EPHA3: variants seen among roughly 807,000 people sequenced by gnomAD.
EPHA3 encodes EPH receptor A3, also known as ephrin type-A receptor 3.
Under a neutral mutation model 107.1 loss-of-function variants are expected in EPHA3, and 42 were observed. That is an observed-to-expected ratio of 0.39 (90% CI 0.31 to 0.51). The LOEUF (loss-of-function observed/expected upper bound fraction) is 0.51. Among genes scored for constraint, EPHA3 ranks in the 20% least tolerant of loss-of-function variants. The probability of loss-of-function intolerance (pLI) is 0.78; values close to 1 mark genes in which losing one functional copy is unlikely to be tolerated. For missense variants in EPHA3, 1,183 were observed against 1,211.2 expected (o/e 0.98, Z 0.35); for synonymous variants, 461 against 424.8 (o/e 1.09, Z -1.05).
At chr3:89,126,884 T>C (rs2106973492) in intron 1 of EPHA3, among the ~76,000 whole-genome samples, 1 of 151,944 alleles carries the variant, frequency 6.6e-6, no homozygotes, top group South Asian at 2.1e-4. Flanking sequence ...TATGCTAGCA[T>C]TAATGTTGTT....
chr3:89,436,822 G>A (rs549537803), intron 13 of EPHA3, among the ~76,000 whole-genome samples: 15 of 152,120 alleles, frequency 9.9e-5, no homozygotes, highest in East Asian at 7.8e-4. Context: ...ACAGCATGCC[G>A]GATATGAAAG....
At position 89,481,517 on chromosome 3, in the gene EPHA3, T is replaced by C. The variant is rs1377848011; in HGVS notation, c.*2015T>C. On this transcript the variant is annotated 3_prime_UTR_variant, in exon 17 of 17. Transcript: ENST00000336596. ...TCTAATTTTTTCCCAGACTACTATT[T>C]TCTTTTTTAGGTACTATTCTGAGCA... The C allele has an allele frequency of 4.3e-6, 1 of 232,312 alleles. No individual in the cohort carries two copies. The allele number at this position is 232,312 out of a possible 1,614,324, so 14.4% of individuals were successfully genotyped here.
chr3:89,107,850 C>G lies in EPHA3; in HGVS notation c.88+14C>G, dbSNP rs1043204519. The G allele has an allele frequency of 2.5e-6, 4 of 1,612,640 alleles. No individual in the cohort carries two copies. The highest frequency in any genetic ancestry group is 1.7e-6 in the Non-Finnish European group (2 of 1,178,808). Reference sequence around the variant, plus strand: ...CTTCCAATGAAGGTAAGCCAGGTACCGCGACGCACGGAGCTCTGCCCCGCG... The same window carrying G: ...CTTCCAATGAAGGTAAGCCAGGTACGGCGACGCACGGAGCTCTGCCCCGCG... On this transcript the variant is annotated intron_variant, in intron 1 of 16. Transcript: ENST00000336596.
intron 2 of EPHA3, among the ~76,000 whole-genome samples, chr3:89,181,873 T>C (rs1349061004): frequency 6.6e-6 from 1 of 151,956 alleles, no homozygotes. Flanking sequence ...TTTCAATTAT[T>C]TGAATCATTA....
At chr3:89,400,636 CGTGTGTGT>C (rs57254382) in intron 7 of EPHA3, among the ~76,000 whole-genome samples, 12 of 145,296 alleles carry the variant, frequency 8.3e-5, no homozygotes, top group African/African-American at 2.9e-4. Flanking sequence ...TGTGTGTGAG[CGTGTGTGT>C]GTGTGTGTGT....
In EPHA3 at chr3:89,125,308, T is replaced by G. The variant is rs1704070839; in HGVS notation, c.89-1901T>G. Among the ~76,000 whole-genome samples, 5 of 151,900 alleles carry G rather than the reference T, an allele frequency of 3.3e-5. No individual in the cohort carries two copies. The South Asian group carries it at 1.0e-3, about 31-fold the overall frequency. On this transcript the variant is annotated intron_variant, in intron 1 of 16. Coordinates refer to ENST00000336596, the MANE Select transcript of EPHA3 (RefSeq NM_005233.6). ...AAATCCCATATAAAGCTCAGAGAAA[T>G]TAAATGATTGGTATCACACAACTAA...
At chr3:89,354,149 T>A (rs1355205997) in intron 5 of EPHA3, among the ~76,000 whole-genome samples, 2 of 151,298 alleles carry the variant, frequency 1.3e-5, no homozygotes, top group Non-Finnish European at 3.0e-5. Context: ...AGGAGAACAT[T>A]TTTAGTCTCA....
intron 15 of EPHA3, among the ~76,000 whole-genome samples, chr3:89,467,946 G>A (rs1029722567): frequency 2.0e-5 from 3 of 152,162 alleles, no homozygotes; most frequent in Non-Finnish European, 4.4e-5. Flanking sequence ...TAGTAAAAGT[G>A]TGAGCTCACG....
At chr3:89,275,698 G>T (rs557119990) in intron 3 of EPHA3, among the ~76,000 whole-genome samples, 1 of 152,144 alleles carries the variant, frequency 6.6e-6, no homozygotes, top group Admixed American at 6.6e-5. Context: ...AGCAGACAGG[G>T]TGAAATAGAA....
chr3:89,377,525 T>C (rs1049465698), intron 5 of EPHA3, among the ~76,000 whole-genome samples: 1 of 152,114 alleles, frequency 6.6e-6, no homozygotes, highest in Non-Finnish European at 1.5e-5. Flanking sequence ...CATAGATGCA[T>C]GTATGAAAAC....
rs547484181 is a variant in EPHA3 at position 89,222,401 on chromosome 3, A to G, written c.814+11881A>G. On this transcript the variant is annotated intron_variant, in intron 3 of 16. Transcript: ENST00000336596. ...TATGTATACACACACATATATACAT[A>G]TATGTACACACACATGCATGTAAAT... Among the ~76,000 whole-genome samples the G allele has an allele frequency of 1.1e-3, 157 of 148,200 alleles. 1 individual carries two copies. The highest frequency in any genetic ancestry group is 3.6e-3 in the African/African-American group (148 of 40,794).
At chr3:89,120,536 A>G (rs1398038354) in intron 1 of EPHA3, among the ~76,000 whole-genome samples, 4 of 152,258 alleles carry the variant, frequency 2.6e-5, no homozygotes, top group Non-Finnish European at 5.9e-5. Context: ...TTTTGATATC[A>G]GTATGACCTT....
intron 5 of EPHA3, among the ~76,000 whole-genome samples, chr3:89,362,338 G>A (rs912523043): frequency 6.6e-6 from 1 of 151,072 alleles, no homozygotes; most frequent in African/African-American, 2.4e-5. Flanking sequence ...TGGGAGATTA[G>A]CCTAGATAGT....
chr3:89,234,013 A>G (rs1180047911), intron 3 of EPHA3, among the ~76,000 whole-genome samples: 3 of 152,212 alleles, frequency 2.0e-5, no homozygotes, highest in African/African-American at 7.2e-5. Flanking sequence ...TTGAAGAAAA[A>G]CAGCACAAAT....
At chr3:89,435,341 T>A in intron 13 of EPHA3, among the ~76,000 whole-genome samples, 1 of 151,130 alleles carries the variant, frequency 6.6e-6, no homozygotes, top group Non-Finnish European at 1.5e-5. Flanking sequence ...GGCTCACGCC[T>A]ATAATCTTGA....
intron 1 of EPHA3, among the ~76,000 whole-genome samples, chr3:89,114,318 A>C (rs6551393): frequency 0.23 from 34,551 of 152,096 alleles, 4,071 homozygotes; most frequent in Middle Eastern, 0.32. Context: ...GGAGATGAGC[A>C]AGTGTTCCTT....
At position 89,399,589 on chromosome 3, in the gene EPHA3, A is replaced by G. The variant is rs544759477; in HGVS notation, c.1594+109A>G. ...GTTTTAAACAAATGTGATACATTTAAGGTATATTGCTTGGGACATTGCAAT... is the reference window on the plus strand; with the variant it reads ...GTTTTAAACAAATGTGATACATTTAGGGTATATTGCTTGGGACATTGCAAT... On this transcript the variant is annotated intron_variant, in intron 7 of 16. Coordinates refer to ENST00000336596, the MANE Select transcript of EPHA3 (RefSeq NM_005233.6). The G allele has an allele frequency of 1.3e-4, 195 of 1,494,296 alleles. 1 individual carries two copies. The African/African-American group carries it at 2.5e-3, about 19-fold the overall frequency. The allele number at this position is 1,494,296 out of a possible 1,614,324, so 92.6% of individuals were successfully genotyped here.
chr3:89,266,158 C>T (rs796483471), intron 3 of EPHA3, among the ~76,000 whole-genome samples: 1 of 152,056 alleles, frequency 6.6e-6, no homozygotes, highest in African/African-American at 2.4e-5. Flanking sequence ...AAAGTATGAA[C>T]CCATTTAATA....
At chr3:89,135,944 T>C (rs1275303224) in intron 2 of EPHA3, among the ~76,000 whole-genome samples, 1 of 152,178 alleles carries the variant, frequency 6.6e-6, no homozygotes, top group Non-Finnish European at 1.5e-5. Flanking sequence ...TAATTACTTT[T>C]CTACTTTACA....
Sources: gnomAD v4.1 joint callset for allele counts (sites outside exome capture counted in the v4.1 genomes callset) on GRCh38, gnomAD v4.1.1 for gene constraint, MANE v1.5 for transcripts, NCBI Gene and HGNC (gene_info 2026-07-23, HGNC 2026-07-21) for gene names.